PIAS1: variants seen among roughly 807,000 people sequenced by gnomAD.
The protein encoded by PIAS1 is protein inhibitor of activated STAT 1, also known as E3 SUMO-protein ligase PIAS1.
In PIAS1, 6 loss-of-function variants were observed where a neutral mutation model predicts 71.3. The ratio of observed to expected loss-of-function variants is 0.08; its 90% CI spans 0.05 to 0.17. The LOEUF (loss-of-function observed/expected upper bound fraction) is 0.17. Among genes scored for constraint, PIAS1 ranks in the 10% least tolerant of loss-of-function variants. PIAS1 has a pLI of 1.00. For synonymous variants in PIAS1, 303 were observed against 292.9 expected (o/e 1.03, Z -0.35); for missense variants, 555 against 793.6 (o/e 0.70, Z 3.61).
At chr15:68,155,264 T>C (rs1281044600) in intron 7 of PIAS1, among the ~76,000 whole-genome samples, 2 of 152,160 alleles carry the variant, frequency 1.3e-5, no homozygotes, top group East Asian at 3.8e-4. Flanking sequence ...AAGCTATTTC[T>C]AGTCTGATAT....
At chr15:68,141,846 A>G (rs2092772208) in intron 2 of PIAS1, 100 bp from the exon 3 acceptor site, 1 of 702,528 alleles carries the variant, frequency 1.4e-6, no homozygotes, top group South Asian at 1.7e-5. Context: ...ACTCTAGAAT[A>G]TATACCAGTT....
intron 2 of PIAS1, among the ~76,000 whole-genome samples, chr15:68,120,203 A>G (rs1476469440): frequency 6.7e-6 from 1 of 149,866 alleles, no homozygotes; most frequent in African/African-American, 2.4e-5. Context: ...TTGTGTTCTT[A>G]TACTTAAAGT....
chr15:68,175,137 A>G (rs960131299), intron 9 of PIAS1, among the ~76,000 whole-genome samples: 3 of 152,212 alleles, frequency 2.0e-5, no homozygotes, highest in African/African-American at 4.8e-5. Flanking sequence ...ATTTAACATT[A>G]TAACCTAAGA....
At chr15:68,076,931 CA>C (rs1331869171) in intron 1 of PIAS1, among the ~76,000 whole-genome samples, 1 of 151,842 alleles carries the variant, frequency 6.6e-6, no homozygotes, top group East Asian at 1.9e-4. Flanking sequence ...GATAATTGTA[CA>C]ATAGAGGGGT....
chr15:68,137,632 T>C (rs1433900176), intron 2 of PIAS1, among the ~76,000 whole-genome samples: 1 of 152,020 alleles, frequency 6.6e-6, no homozygotes, highest in African/African-American at 2.4e-5. Flanking sequence ...TGAGTTCCAG[T>C]TCTGAGTTTT....
At chr15:68,161,337 A>G (rs1221705346) in intron 7 of PIAS1, among the ~76,000 whole-genome samples, 2 of 152,188 alleles carry the variant, frequency 1.3e-5, no homozygotes, top group Admixed American at 6.5e-5. Flanking sequence ...TTGCTAAGAG[A>G]TTGAAAGATT....
chr15:68,113,758 T>C (rs1447448522), intron 2 of PIAS1, among the ~76,000 whole-genome samples: 1 of 152,104 alleles, frequency 6.6e-6, no homozygotes, highest in African/African-American at 2.4e-5. Context: ...ATGGGCTTAT[T>C]AGGAACCTGA....
intron 2 of PIAS1, among the ~76,000 whole-genome samples, chr15:68,120,493 G>T (rs903610880): frequency 6.6e-6 from 1 of 151,478 alleles, no homozygotes; most frequent in African/African-American, 2.4e-5. Context: ...ATAACTCTTT[G>T]TTGTGTTATT....
At chr15:68,097,278 C>T (rs1333366660) in intron 2 of PIAS1, among the ~76,000 whole-genome samples, 2 of 152,014 alleles carry the variant, frequency 1.3e-5, no homozygotes, top group South Asian at 2.1e-4. Flanking sequence ...TTTTCATATG[C>T]TATTGAATTT....
At chr15:68,055,951 C>T in intron 1 of PIAS1, 1 of 698,088 alleles carries the variant, frequency 1.4e-6, no homozygotes. Flanking sequence ...AAATGTACTT[C>T]TAATTACAAA....
chr15:68,116,210 C>T (rs922434028), intron 2 of PIAS1, among the ~76,000 whole-genome samples: 2 of 151,442 alleles, frequency 1.3e-5, no homozygotes, highest in Non-Finnish European at 2.9e-5. Context: ...AGAAGTCCCC[C>T]GAGAATACAC....
intron 2 of PIAS1, among the ~76,000 whole-genome samples, chr15:68,138,049 C>G (rs2092745735): frequency 6.6e-6 from 1 of 152,116 alleles, no homozygotes; most frequent in Non-Finnish European, 1.5e-5. Flanking sequence ...ACTGTAGAGA[C>G]TGAGGCAGGA....
intron 8 of PIAS1, among the ~76,000 whole-genome samples, chr15:68,170,880 AT>A (rs1409787400): frequency 6.6e-6 from 1 of 152,042 alleles, no homozygotes; most frequent in Non-Finnish European, 1.5e-5. Context: ...ATCTCAGGTG[AT>A]TCTCCCTCCT....
chr15:68,157,782 C>T (rs2092901070), intron 7 of PIAS1, among the ~76,000 whole-genome samples: 1 of 152,160 alleles, frequency 6.6e-6, no homozygotes, highest in Non-Finnish European at 1.5e-5. Context: ...TACATGTCTT[C>T]ATCTCAGACC....
At chr15:68,098,519 A>G (rs187874403) in intron 2 of PIAS1, among the ~76,000 whole-genome samples, 19 of 152,308 alleles carry the variant, frequency 1.2e-4, no homozygotes, top group South Asian at 4.1e-4. Flanking sequence ...TCAAGGGTCA[A>G]TTGTACTTAA....
intron 7 of PIAS1, among the ~76,000 whole-genome samples, chr15:68,154,176 A>G (rs1365679724): frequency 6.6e-6 from 1 of 152,138 alleles, no homozygotes; most frequent in African/African-American, 2.4e-5. Flanking sequence ...CTCATCTGTA[A>G]CAAGAAGTTT....
rs2093088077 is a variant in PIAS1, at chr15:68,186,445, T to TA, written c.1663-1096dup. On this transcript the variant is annotated intron_variant, in intron 13 of 13. Coordinates refer to ENST00000249636, the MANE Select transcript of PIAS1 (RefSeq NM_016166.3). The surrounding 1 kb of genome is among the most constrained non-coding windows in gnomAD (Gnocchi z 4.4). ...TGTACTTGTGTTTTAAATTAAGTGT[T>TA]ACAAGAGTCAAAGTTTTAAAAAATC... Among the ~76,000 whole-genome samples, 1 of 152,260 alleles carries TA rather than the reference T, an allele frequency of 6.6e-6. No individual in the cohort carries two copies. The highest frequency in any genetic ancestry group is 2.1e-4 in the South Asian group (1 of 4,834).
At chr15:68,116,489 T>C (rs1022756668) in intron 2 of PIAS1, among the ~76,000 whole-genome samples, 1 of 152,124 alleles carries the variant, frequency 6.6e-6, no homozygotes, top group Admixed American at 6.5e-5. Context: ...TCTTGATTAG[T>C]CTTGCTAGAG....
intron 1 of PIAS1, among the ~76,000 whole-genome samples, chr15:68,071,989 T>C (rs376862278): frequency 1.3e-5 from 2 of 151,526 alleles, no homozygotes; most frequent in Non-Finnish European, 2.9e-5. Flanking sequence ...GGGATATTCT[T>C]TGAAGCAAGG....
Sources: gnomAD v4.1 joint callset for allele counts (sites outside exome capture counted in the v4.1 genomes callset) on GRCh38, gnomAD v4.1.1 for gene constraint, Gnocchi (gnomAD v3.1) non-coding constraint, MANE v1.5 for transcripts, NCBI Gene and HGNC (gene_info 2026-07-23, HGNC 2026-07-21) for gene names.